The following PALM2AKAP2 variants were observed in gnomAD, a reference collection of about 807,000 sequenced individuals.
PALM2AKAP2 encodes PALM2 and AKAP2 fusion.
In PALM2AKAP2, 37 loss-of-function variants were observed where a neutral mutation model predicts 71.5. The observed-to-expected ratio is 0.52, with a 90% CI of 0.40 to 0.68. The LOEUF (loss-of-function observed/expected upper bound fraction) is 0.68. Ranked by LOEUF, PALM2AKAP2 falls within the 30% of genes least tolerant of loss-of-function variation. The probability of loss-of-function intolerance (pLI) is 0.00; values close to 1 mark genes in which losing one functional copy is unlikely to be tolerated. For missense variants in PALM2AKAP2, 1,224 were observed against 1,191.8 expected, an observed-to-expected ratio of 1.03 and a Z score of -0.40; for synonymous variants, 468 against 478.8, an observed-to-expected ratio of 0.98 and a Z score of 0.29.
intron 3 of PALM2AKAP2, among the ~76,000 whole-genome samples, chr9:109,889,624 C>G (rs539814163): frequency 6.6e-6 from 1 of 152,244 alleles, no homozygotes; most frequent in South Asian, 2.1e-4. Flanking sequence ...CAAGCTGGCA[C>G]AGGTAAGGGA....
chr9:110,128,207 C>T (rs1835658281), intron 1 of PALM2AKAP2, among the ~76,000 whole-genome samples: 1 of 152,204 alleles, frequency 6.6e-6, no homozygotes, highest in South Asian at 2.1e-4. Flanking sequence ...TTCCATCCCA[C>T]CCTCACCCCT....
intron 1 of PALM2AKAP2, among the ~76,000 whole-genome samples, chr9:109,736,135 C>T (rs1020932046): frequency 1.3e-5 from 2 of 152,062 alleles, no homozygotes; most frequent in African/African-American, 2.4e-5. Flanking sequence ...GGCACAACGA[C>T]GGTTAAAATC....
At chr9:109,711,164 A>T (rs1008587530) in intron 1 of PALM2AKAP2, among the ~76,000 whole-genome samples, 5 of 70,236 alleles carry the variant, frequency 7.1e-5, no homozygotes, top group African/African-American at 1.7e-4. Flanking sequence ...TTCTTAATTT[A>T]AAAAAAAAAT....
chr9:109,693,433 T>C (rs539650260), intron 1 of PALM2AKAP2, among the ~76,000 whole-genome samples: 2 of 152,088 alleles, frequency 1.3e-5, no homozygotes, highest in Admixed American at 1.3e-4. Flanking sequence ...TATTTTTTCT[T>C]GGTTTTTTAT....
chr9:109,757,949 C>A (rs1327068967), intron 1 of PALM2AKAP2, among the ~76,000 whole-genome samples: 1 of 151,750 alleles, frequency 6.6e-6, no homozygotes, highest in Non-Finnish European at 1.5e-5. Context: ...AAATTTATAT[C>A]CACAAAAACT....
chr9:109,863,925 C>G (rs1829377895), intron 1 of PALM2AKAP2, among the ~76,000 whole-genome samples: 2 of 152,066 alleles, frequency 1.3e-5, no homozygotes, highest in African/African-American at 2.4e-5. Context: ...AGTAAAAATA[C>G]AAATATTAGC....
Position 109,797,432 on chromosome 9 carries a change from C to T in PALM2AKAP2, c.45+16899C>T, listed in dbSNP as rs10816868. Among the ~76,000 whole-genome samples the T allele has an allele frequency of 1.7e-3, 254 of 152,270 alleles. 1 individual carries two copies. The highest frequency in any genetic ancestry group is 5.2e-3 in the African/African-American group (218 of 41,556). The stretch of plus-strand genomic sequence containing the variant: ...CAGTTCACTCTTGATATCTCCCCTC[C>T]GCATGGAAAGCATCCACAAATTTCC... On this transcript the variant is annotated intron_variant, in intron 1 of 9. Coordinates refer to the PALM2AKAP2 transcript ENST00000302798.
intron 2 of PALM2AKAP2, among the ~76,000 whole-genome samples, chr9:109,877,467 G>A (rs1185912383): frequency 1.3e-5 from 2 of 152,244 alleles, no homozygotes; most frequent in East Asian, 3.9e-4. Flanking sequence ...GAAAGAATTT[G>A]AGGATAGTAT....
intron 3 of PALM2AKAP2, among the ~76,000 whole-genome samples, chr9:109,919,735 A>ATGTG (rs1163749906): frequency 3.5e-5 from 5 of 143,060 alleles, no homozygotes; most frequent in Non-Finnish European, 7.6e-5. Flanking sequence ...GTGTATACAT[A>ATGTG]TGTGTGTGTG....
At chr9:109,998,626 C>CGGGG (rs200124044) in intron 6 of PALM2AKAP2, among the ~76,000 whole-genome samples, 1 of 19,208 alleles carries the variant, frequency 5.2e-5, no homozygotes, top group Non-Finnish European at 1.7e-4. Context: ...CTGACCAGGG[C>CGGGG]GGGGGAGTGG....
chr9:110,160,167 T>C (rs559351007), intron 3 of PALM2AKAP2, among the ~76,000 whole-genome samples: 2 of 151,838 alleles, frequency 1.3e-5, no homozygotes, highest in African/African-American at 2.4e-5. Context: ...TATGAAGATA[T>C]GAAGATGCAG....
chr9:109,722,956 G>T (rs1424140585), intron 1 of PALM2AKAP2, among the ~76,000 whole-genome samples: 1 of 152,000 alleles, frequency 6.6e-6, no homozygotes, highest in Non-Finnish European at 1.5e-5. Context: ...TTCCATTTAG[G>T]TCCTTTCAAA....
chr9:109,955,424 T>A (rs1452606335), intron 6 of PALM2AKAP2, among the ~76,000 whole-genome samples: 1 of 152,238 alleles, frequency 6.6e-6, no homozygotes, highest in Non-Finnish European at 1.5e-5. Flanking sequence ...CTGTGTTTCA[T>A]GGTAAAAAGT....
exon 7 of PALM2AKAP2, chr9:110,016,032 C>G (rs1832974671): frequency 6.2e-7 from 1 of 1,613,482 alleles, no homozygotes; most frequent in Non-Finnish European, 8.5e-7. Flanking sequence ...CCAGACATGA[C>G]TATCAAGGTA....
At chr9:109,997,721 C>T (rs559577507) in intron 6 of PALM2AKAP2, among the ~76,000 whole-genome samples, 2 of 152,248 alleles carry the variant, frequency 1.3e-5, no homozygotes, top group East Asian at 1.9e-4. Context: ...ATTTGGAGGC[C>T]GCAGGGCCTG....
At chr9:109,984,390 A>G (rs10816910) in intron 6 of PALM2AKAP2, among the ~76,000 whole-genome samples, 76,838 of 151,862 alleles carry the variant, frequency 0.51, 20,982 homozygotes, top group Admixed American at 0.63. Flanking sequence ...GGGTATGGTG[A>G]CTCTTGCCTA....
intron 5 of PALM2AKAP2, among the ~76,000 whole-genome samples, chr9:109,926,376 C>G (rs146517276): frequency 9.6e-4 from 146 of 152,278 alleles, no homozygotes; most frequent in African/African-American, 3.4e-3. Flanking sequence ...TACATGTAGG[C>G]AGGGCCAAGT....
intron 1 of PALM2AKAP2, among the ~76,000 whole-genome samples, chr9:109,812,478 C>G (rs986255955): frequency 1.3e-5 from 2 of 152,104 alleles, no homozygotes; most frequent in East Asian, 1.9e-4. Context: ...GGTGGGGGTA[C>G]TGACCCATCC....
At chr9:109,894,293 C>T (rs537931477) in intron 3 of PALM2AKAP2, among the ~76,000 whole-genome samples, 10 of 152,276 alleles carry the variant, frequency 6.6e-5, no homozygotes, top group African/African-American at 2.2e-4. Context: ...CAGCCAAGAT[C>T]GCACCATTGC....
Sources: allele counts gnomAD v4.1 joint callset (sites outside exome capture counted in the v4.1 genomes callset), GRCh38; gene constraint gnomAD v4.1.1; transcripts MANE v1.5; gene names NCBI Gene and HGNC (gene_info 2026-07-23, HGNC 2026-07-21).